Variants in DCC observed in about 807,000 individuals in gnomAD.
DCC encodes the protein DCC netrin 1 receptor.
Under a neutral mutation model 172.5 loss-of-function variants are expected in DCC, and 58 were observed. The observed-to-expected ratio is 0.34, with a 90% CI of 0.27 to 0.42. The LOEUF (loss-of-function observed/expected upper bound fraction) is 0.42, where lower values mean the gene tolerates loss of function less well. Ranked by LOEUF, DCC falls within the 10% of genes least tolerant of loss-of-function variation. The probability of loss-of-function intolerance (pLI) is 1.00; values close to 1 mark genes in which losing one functional copy is unlikely to be tolerated. For missense variants in DCC, 1,740 were observed against 1,791.0 expected, an observed-to-expected ratio of 0.97 and a Z score of 0.51; for synonymous variants, 709 against 644.5, an observed-to-expected ratio of 1.10 and a Z score of -1.52.
intron 1 of DCC, among the ~76,000 whole-genome samples, chr18:52,486,125 G>A (rs868230565): frequency 3.7e-4 from 57 of 152,182 alleles, no homozygotes; most frequent in African/African-American, 1.3e-3. Context: ...CTCCTGAGTA[G>A]CGATATTTAT....
chr18:52,718,216 T>C (rs983671313), intron 1 of DCC, among the ~76,000 whole-genome samples: 5 of 58,742 alleles, frequency 8.5e-5, no homozygotes, highest in Non-Finnish European at 1.2e-4. Context: ...TATCAGAAAG[T>C]AAGAAGGTGC....
At chr18:52,794,654 G>A (rs368098470) in intron 2 of DCC, among the ~76,000 whole-genome samples, 2 of 151,986 alleles carry the variant, frequency 1.3e-5, no homozygotes, top group African/African-American at 4.8e-5. Context: ...TGCTGTGCTA[G>A]CACTTCCAGT....
chr18:52,685,974 T>G (rs1290400646), intron 1 of DCC, among the ~76,000 whole-genome samples: 1 of 152,158 alleles, frequency 6.6e-6, no homozygotes, highest in East Asian at 1.9e-4. Context: ...TGGATGTTCC[T>G]GTATCAACAT....
intron 2 of DCC, among the ~76,000 whole-genome samples, chr18:52,793,243 A>G (rs934547381): frequency 6.6e-6 from 1 of 152,172 alleles, no homozygotes; most frequent in African/African-American, 2.4e-5. Flanking sequence ...TCTGTTCTTT[A>G]TTGTACAAGT....
intron 26 of DCC, among the ~76,000 whole-genome samples, chr18:53,488,396 T>C (rs544497454): frequency 6.6e-6 from 1 of 152,222 alleles, no homozygotes; most frequent in Non-Finnish European, 1.5e-5. Context: ...AAAAAAAGAA[T>C]GTGTAGAATG....
intron 7 of DCC, among the ~76,000 whole-genome samples, chr18:53,068,713 A>G (rs1438201202): frequency 6.6e-6 from 1 of 151,104 alleles, no homozygotes; most frequent in Admixed American, 6.6e-5. Context: ...AGAGGTTGTC[A>G]TGGTATTTTC....
chr18:52,602,345 C>G (rs1053521692), intron 1 of DCC, among the ~76,000 whole-genome samples: 4 of 151,660 alleles, frequency 2.6e-5, no homozygotes, highest in Non-Finnish European at 5.9e-5. Context: ...TCTACCTTAT[C>G]TCTTATGATT....
At chr18:53,355,379 CAGG>C (rs955083724) in intron 15 of DCC, among the ~76,000 whole-genome samples, 103 of 152,218 alleles carry the variant, frequency 6.8e-4, no homozygotes, top group Admixed American at 6.3e-3. Flanking sequence ...TGACCATTTT[CAGG>C]ATATTGATTC....
intron 20 of DCC, among the ~76,000 whole-genome samples, chr18:53,413,485 G>A (rs1447599790): frequency 6.6e-6 from 1 of 152,170 alleles, no homozygotes; most frequent in African/African-American, 2.4e-5. Flanking sequence ...TATGGTCCCT[G>A]TTGGAAAATA....
intron 9 of DCC, among the ~76,000 whole-genome samples, chr18:53,200,979 T>C (rs1258611256): frequency 2.6e-5 from 4 of 152,128 alleles, no homozygotes; most frequent in Non-Finnish European, 4.4e-5. Context: ...TGCCACCTAC[T>C]ATGCATGTGG....
intron 2 of DCC, among the ~76,000 whole-genome samples, chr18:52,819,885 ATTTT>A (rs397977094): frequency 6.8e-6 from 1 of 147,556 alleles, no homozygotes; most frequent in African/African-American, 2.5e-5. Context: ...TGCCCAGCTA[ATTTT>A]TTTTTTATTT....
intron 24 of DCC, among the ~76,000 whole-genome samples, chr18:53,464,201 G>GAACT (rs2045591649): frequency 6.6e-6 from 1 of 152,160 alleles, no homozygotes; most frequent in Admixed American, 6.5e-5. Context: ...TTAGTTTCTT[G>GAACT]AAATGGATTT....
chr18:52,383,691 C>T (rs1485382264), intron 1 of DCC, among the ~76,000 whole-genome samples: 3 of 151,658 alleles, frequency 2.0e-5, no homozygotes, highest in African/African-American at 7.3e-5. Context: ...AAACACCTTC[C>T]TTCATTTTCC....
intron 1 of DCC, among the ~76,000 whole-genome samples, chr18:52,342,409 C>T (rs898685829): frequency 1.1e-4 from 15 of 140,754 alleles, no homozygotes; most frequent in Non-Finnish European, 2.3e-4. Flanking sequence ...TCCCCTGGCT[C>T]TTCTCTCCCG....
At chr18:53,274,113 C>A (rs986244026) in intron 12 of DCC, among the ~76,000 whole-genome samples, 1 of 152,136 alleles carries the variant, frequency 6.6e-6, no homozygotes, top group African/African-American at 2.4e-5. Flanking sequence ...GCTACCTTTT[C>A]TCAGTGACAC....
At chr18:52,897,064 G>T (rs1026944338) in intron 2 of DCC, among the ~76,000 whole-genome samples, 1 of 152,180 alleles carries the variant, frequency 6.6e-6, no homozygotes, top group Non-Finnish European at 1.5e-5. Context: ...ACCTAGCAAT[G>T]CTCTTAGGTG....
chr18:53,467,077 C>T (rs914337470), intron 24 of DCC, among the ~76,000 whole-genome samples: 2 of 152,042 alleles, frequency 1.3e-5, no homozygotes, highest in Non-Finnish European at 2.9e-5. Flanking sequence ...TTGCCTCTTG[C>T]CTATCCCAAA....
At chr18:52,905,346 G>A (rs758295409) in intron 2 of DCC, among the ~76,000 whole-genome samples, 3 of 152,134 alleles carry the variant, frequency 2.0e-5, no homozygotes, top group Admixed American at 1.3e-4. Flanking sequence ...ATGGCCCAAA[G>A]AAATGAAACA....
intron 5 of DCC, among the ~76,000 whole-genome samples, chr18:52,966,315 T>C (rs1176848609): frequency 2.0e-5 from 3 of 152,202 alleles, no homozygotes; most frequent in Non-Finnish European, 2.9e-5. Context: ...TTATTTATGC[T>C]TTATAATATC....
Sources: allele counts gnomAD v4.1 joint callset (sites outside exome capture counted in the v4.1 genomes callset), GRCh38; gene constraint gnomAD v4.1.1; transcripts MANE v1.5; gene names NCBI Gene and HGNC (gene_info 2026-07-23, HGNC 2026-07-21).